FAT3: variants seen among roughly 807,000 people sequenced by gnomAD.
The protein encoded by FAT3 is FAT atypical cadherin 3, also known as protocadherin Fat 3.
FAT3 carries 95 observed loss-of-function variants against 310.2 expected under a neutral mutation model. The ratio of observed to expected loss-of-function variants is 0.31; its 90% CI spans 0.26 to 0.36. The LOEUF (loss-of-function observed/expected upper bound fraction) is 0.36. FAT3 is among the 10% of genes least tolerant of loss of function. FAT3 has a pLI of 1.00. For synonymous variants in FAT3, 2,314 were observed against 2,192.9 expected, an observed-to-expected ratio of 1.06 and a Z score of -1.54; for missense variants, 5,408 against 5,715.6, an observed-to-expected ratio of 0.95 and a Z score of 1.74.
At chr11:92,293,030 A>T (rs1946731732) in intron 1 of FAT3, among the ~76,000 whole-genome samples, 1 of 61,408 alleles carries the variant, frequency 1.6e-5, no homozygotes, top group South Asian at 4.2e-4. Flanking sequence ...GGAAGGAAGG[A>T]AGGAAGGAAG....
chr11:92,849,025 T>C (rs1033578452), intron 19 of FAT3, among the ~76,000 whole-genome samples: 2 of 152,234 alleles, frequency 1.3e-5, no homozygotes, highest in African/African-American at 4.8e-5. Flanking sequence ...CATGACCAGT[T>C]CGCATGCTGT....
chr11:92,390,709 G>T (rs566583005), intron 2 of FAT3, among the ~76,000 whole-genome samples: 1 of 152,294 alleles, frequency 6.6e-6, no homozygotes, highest in South Asian at 2.1e-4. Context: ...TTCAAAAGGA[G>T]AAGTGAAGAA....
chr11:92,285,211 G>T (rs1173285803), intron 1 of FAT3, among the ~76,000 whole-genome samples: 3 of 152,132 alleles, frequency 2.0e-5, no homozygotes, highest in Admixed American at 6.6e-5. Context: ...AGTGCAGAGT[G>T]TAAGAGTGCT....
At chr11:92,623,437 A>G (rs368099255) in intron 3 of FAT3, among the ~76,000 whole-genome samples, 1 of 152,316 alleles carries the variant, frequency 6.6e-6, no homozygotes, top group East Asian at 1.9e-4. Flanking sequence ...GACTTGAGGA[A>G]CTGGTCTTAA....
chr11:92,551,868 T>C (rs749392653), intron 3 of FAT3, among the ~76,000 whole-genome samples: 26 of 152,222 alleles, frequency 1.7e-4, no homozygotes, highest in Non-Finnish European at 3.7e-4. Context: ...ATTTGGTGTA[T>C]AAGATAAATC....
intron 3 of FAT3, among the ~76,000 whole-genome samples, chr11:92,573,274 C>G (rs565841164): frequency 2.0e-5 from 3 of 152,284 alleles, no homozygotes; most frequent in African/African-American, 4.8e-5. Flanking sequence ...CTCTGCCTCT[C>G]TTTCCTGACT....
intron 16 of FAT3, 75 bp downstream of exon 16, chr11:92,836,778 G>C (rs1358858013): frequency 6.6e-7 from 1 of 1,514,930 alleles, no homozygotes; most frequent in African/African-American, 1.4e-5. Context: ...AAGCTCCACG[G>C]GTGTAAATAG....
chr11:92,344,799 G>A (rs1158933487), intron 1 of FAT3, among the ~76,000 whole-genome samples: 1 of 152,120 alleles, frequency 6.6e-6, no homozygotes. Flanking sequence ...CATCCCGATT[G>A]ATGGCAATCG....
intron 2 of FAT3, among the ~76,000 whole-genome samples, chr11:92,504,467 GTT>G (rs1453784818): frequency 6.6e-6 from 1 of 152,018 alleles, no homozygotes. Context: ...TTTAATATTG[GTT>G]CTCTGCAGGA....
chr11:92,526,431 C>A lies in FAT3; in HGVS notation c.3607+1483C>A, dbSNP rs949772662. ...CAACCCAGTGGAGCCTGAAATACCC[C>A]AGTCAGATTCTGCTTCTTCCATCTT... On this transcript the variant is annotated intron_variant, in intron 3 of 27. Transcript: ENST00000525166. 7.2e-5 allele frequency among the ~76,000 whole-genome samples: 11 copies of A among 152,278 alleles called. No individual in the cohort carries two copies. In the East Asian group the frequency reaches 9.7e-4, roughly 13 times the overall value.
At position 92,284,828 on chromosome 11, in the gene FAT3, A is replaced by G. The variant is rs1245809901; in HGVS notation, c.-18+59654A>G. The stretch of plus-strand genomic sequence containing the variant: ...TGTCGCATGCTTCTTTGTTTCCCAG[A>G]GCCAAGTACAGTGCTGGCATGTGGA... On this transcript the variant is annotated intron_variant, in intron 1 of 27. Coordinates refer to ENST00000525166, the MANE Select transcript of FAT3 (RefSeq NM_001367949.2). 3.9e-5 allele frequency among the ~76,000 whole-genome samples: 6 copies of G among 152,212 alleles called. No homozygotes were observed. The East Asian group carries it at 1.2e-3, about 29-fold the overall frequency.
At chr11:92,561,891 G>T (rs927909542) in intron 3 of FAT3, among the ~76,000 whole-genome samples, 1 of 152,102 alleles carries the variant, frequency 6.6e-6, no homozygotes, top group Non-Finnish European at 1.5e-5. Context: ...CTCCCAAAGT[G>T]CTGGGATTAC....
rs5793598 is a variant in FAT3, at chr11:92,434,015, CA to C, written c.3292+78626del. 4.0e-4 allele frequency among the ~76,000 whole-genome samples: 50 copies of C among 125,828 alleles called. 1 individual carries two copies. Among genetic ancestry groups the C allele is most frequent in the Middle Eastern group, 4.1e-3 (1 of 244 alleles). 82.5% of individuals were successfully genotyped at this position (125,828 alleles called of 152,430 possible). A position where few individuals can be genotyped will look rare whatever the true frequency, so the allele number is the denominator to read the frequency against. ...TGGGCGACAGAGGGAGACTCAGTCT[CA>C]AAAAAAAAAAAAAAGAAGAACCATC... On this transcript the variant is annotated intron_variant, in intron 2 of 27. Transcript: ENST00000525166.
chr11:92,653,170 A>C (rs1942449342), intron 3 of FAT3, among the ~76,000 whole-genome samples: 1 of 151,884 alleles, frequency 6.6e-6, no homozygotes, highest in Non-Finnish European at 1.5e-5. Flanking sequence ...AAAATAAATA[A>C]ATAAAATTAA....
intron 1 of FAT3, among the ~76,000 whole-genome samples, chr11:92,241,423 T>C (rs1174329852): frequency 6.6e-6 from 1 of 152,148 alleles, no homozygotes; most frequent in Non-Finnish European, 1.5e-5. Flanking sequence ...GTTTCTTTGC[T>C]GTTTCAAGTA....
chr11:92,224,837 G>T lies in FAT3; in HGVS notation c.-355G>T, dbSNP rs1863834548. Among the ~76,000 whole-genome samples, 1 of 152,068 alleles carries T rather than the reference G, an allele frequency of 6.6e-6. No homozygotes were observed. Among genetic ancestry groups the T allele is most frequent in the Non-Finnish European group, 1.5e-5 (1 of 68,006 alleles). On this transcript the variant is annotated 5_prime_UTR_variant, in exon 1 of 28. Transcript: ENST00000525166. Reference sequence around the variant, plus strand: ...GCGAGCAGTAGCGGCGGCGGCTGCAGCTCGGAGCAGACAGGAGAGCCGGCG... The same window carrying T: ...GCGAGCAGTAGCGGCGGCGGCTGCATCTCGGAGCAGACAGGAGAGCCGGCG...
At chr11:92,877,269 C>T (rs1161765621) in intron 22 of FAT3, among the ~76,000 whole-genome samples, 1 of 152,180 alleles carries the variant, frequency 6.6e-6, no homozygotes, top group East Asian at 1.9e-4. Context: ...CCAGTCACTT[C>T]TGAAGGGGGA....
chr11:92,273,192 C>T (rs1946175650), intron 1 of FAT3, among the ~76,000 whole-genome samples: 1 of 152,076 alleles, frequency 6.6e-6, no homozygotes, highest in South Asian at 2.1e-4. Context: ...ACACCCCCTG[C>T]CATTATCTCA....
At chr11:92,641,778 C>T (rs1162946602) in intron 3 of FAT3, among the ~76,000 whole-genome samples, 1 of 152,190 alleles carries the variant, frequency 6.6e-6, no homozygotes, top group East Asian at 1.9e-4. Context: ...TTTGGGGGTA[C>T]CCCCTGCAAA....
Sources: allele counts gnomAD v4.1 joint callset (sites outside exome capture counted in the v4.1 genomes callset), GRCh38; gene constraint gnomAD v4.1.1; transcripts MANE v1.5; gene names NCBI Gene and HGNC (gene_info 2026-07-23, HGNC 2026-07-21).